ODF2: variants seen among roughly 807,000 people sequenced by gnomAD.
The protein encoded by ODF2 is outer dense fiber protein 2.
Under a neutral mutation model 110.2 loss-of-function variants are expected in ODF2, and 47 were observed. That is an observed-to-expected ratio of 0.43 (90% CI 0.34 to 0.54). The LOEUF (loss-of-function observed/expected upper bound fraction) is 0.54, where lower values mean the gene tolerates loss of function less well. Ranked by LOEUF, ODF2 falls within the 20% of genes least tolerant of loss-of-function variation. ODF2 has a pLI of 0.03. For missense variants in ODF2, 812 were observed against 1,054.5 expected (o/e 0.77, Z 3.19); for synonymous variants, 352 against 397.7 (o/e 0.89, Z 1.37).
At position 128,494,438 on chromosome 9, in the gene ODF2, G is replaced by A. The variant is rs1845233530; in HGVS notation, c.1753-72G>A. 7.0e-7 allele frequency: 1 copy of A among 1,425,050 alleles called. No individual in the cohort carries two copies. Among genetic ancestry groups the A allele is most frequent in the East Asian group, 2.3e-5 (1 of 43,802 alleles). 88.3% of individuals were successfully genotyped at this position (1,425,050 alleles called of 1,614,324 possible). A position where few individuals can be genotyped will look rare whatever the true frequency, so the allele number is the denominator to read the frequency against. On this transcript the variant is annotated intron_variant, in intron 16 of 20. Coordinates refer to ENST00000604420, the Ensembl canonical transcript of ODF2. This position sits in a 1 kb window ranked among gnomAD's most constrained non-coding sequence, Gnocchi z 4.6. ...GCCCTAACTCTAAAGGACTCTGCCT[G>A]GCTCCACTAGGAGCCAGGTCTTTCC...
chr9:128,492,930 T>G, intron 16 of ODF2, 125 bp downstream of exon 16: 1 of 730,386 alleles, frequency 1.4e-6, no homozygotes, highest in Non-Finnish European at 2.3e-6. Context: ...GAGCTCATTT[T>G]CTCATTGGTG....
Position 128,494,865 on chromosome 9 carries a change from G to C in ODF2, c.1911+197G>C. 6.8e-7 allele frequency: 1 copy of C among 1,464,190 alleles called. No individual in the cohort carries two copies. The allele number at this position is 1,464,190 out of a possible 1,614,324, so 90.7% of individuals were successfully genotyped here. A position where few individuals can be genotyped will look rare whatever the true frequency, so the allele number is the denominator to read the frequency against. ...CATGTGTTTGCACAAAGTGATTGTA[G>C]TTATAGGAGCCGTCACTTGCGTGGA... On this transcript the variant is annotated intron_variant, in intron 17 of 20. Coordinates refer to ENST00000604420, the Ensembl canonical transcript of ODF2. This position sits in a 1 kb window ranked among gnomAD's most constrained non-coding sequence, Gnocchi z 4.6.
chr9:128,485,600 A>G lies in ODF2; in HGVS notation c.1400+126A>G, dbSNP rs1768162213. On this transcript the variant is annotated intron_variant, in intron 13 of 20. Coordinates refer to ENST00000604420, the Ensembl canonical transcript of ODF2. This position sits in a 1 kb window ranked among gnomAD's most constrained non-coding sequence, Gnocchi z 5.0. ...TTGTACTCTCCGGGTTGGGGGCTGC[A>G]CTGGGCTGTGATGTGGGTAGCCCTG... 3.2e-6 allele frequency: 2 copies of G among 622,188 alleles called. No individual in the cohort carries two copies. The highest frequency in any genetic ancestry group is 2.9e-6 in the Non-Finnish European group (1 of 341,886). The allele number at this position is 622,188 out of a possible 1,614,324, so 38.5% of individuals were successfully genotyped here. A position where few individuals can be genotyped will look rare whatever the true frequency, so the allele number is the denominator to read the frequency against.
chr9:128,461,592 A>T (rs10987996), intron 4 of ODF2, among the ~76,000 whole-genome samples: 52,155 of 151,796 alleles, frequency 0.34, 11,126 homozygotes, highest in African/African-American at 0.6. Context: ...CTGATTTTTA[A>T]ATTTTTAGTA....
At chr9:128,477,681 C>T (rs923954250) in intron 8 of ODF2, among the ~76,000 whole-genome samples, 1 of 151,716 alleles carries the variant, frequency 6.6e-6, no homozygotes, top group Admixed American at 6.6e-5. Context: ...TCTCAGCTCA[C>T]TGCAACCTTC....
At chr9:128,463,226 C>G (rs941490872) in intron 4 of ODF2, among the ~76,000 whole-genome samples, 1 of 152,168 alleles carries the variant, frequency 6.6e-6, no homozygotes, top group African/African-American at 2.4e-5. Context: ...CATGCCACTG[C>G]ATAGCCTGTG....
chr9:128,488,146 G>A (rs539828018), intron 14 of ODF2, 121 bp downstream of exon 14: 29 of 1,181,506 alleles, frequency 2.5e-5, no homozygotes, highest in Non-Finnish European at 3.5e-5. Context: ...GCCTGGATTT[G>A]ACCAGGCATG....
At chr9:128,482,724 C>T in intron 9 of ODF2, 92 bp from the exon 10 acceptor site, 1 of 906,678 alleles carries the variant, frequency 1.1e-6, no homozygotes, top group African/African-American at 1.7e-5. Flanking sequence ...ACCTTGGGCC[C>T]CAGTGGCCAG....
At position 128,483,711 on chromosome 9, in the gene ODF2, C is replaced by A. The variant is rs532672701; in HGVS notation, c.988-227C>A. On this transcript the variant is annotated intron_variant, in intron 10 of 20. Transcript: ENST00000604420. ...ACCAGTCTGGCCAACATGGTGAAAC[C>A]CTGTCTCTACTAAAAATACAAAAAA... Among the ~76,000 whole-genome samples, 5 of 152,078 alleles carry A rather than the reference C, an allele frequency of 3.3e-5. No homozygotes were observed. The South Asian group carries it at 8.3e-4, about 25-fold the overall frequency.
chr9:128,480,106 T>A (rs950628919), intron 8 of ODF2, among the ~76,000 whole-genome samples: 1 of 152,044 alleles, frequency 6.6e-6, no homozygotes, highest in Admixed American at 6.6e-5. Flanking sequence ...CCAGCTTGGG[T>A]GACAGAGCTA....
At chr9:128,464,433 C>T (rs1390908653) in intron 4 of ODF2, among the ~76,000 whole-genome samples, 3 of 151,942 alleles carry the variant, frequency 2.0e-5, no homozygotes, top group Non-Finnish European at 2.9e-5. Flanking sequence ...GGATTACAGG[C>T]GTGAGCCACT....
At chr9:128,488,201 G>C (rs1843783557) in intron 14 of ODF2, among the ~76,000 whole-genome samples, 176 bp downstream of exon 14, 1 of 152,196 alleles carries the variant, frequency 6.6e-6, no homozygotes, top group Non-Finnish European at 1.5e-5. Context: ...GCCAAGGCAG[G>C]TGGATCACTT....
intron 18 of ODF2, among the ~76,000 whole-genome samples, chr9:128,496,990 A>G (rs1845663008): frequency 6.6e-6 from 1 of 152,160 alleles, no homozygotes; most frequent in South Asian, 2.1e-4. Context: ...GGCCTCCTAG[A>G]GTGCTGGGAG....
chr9:128,461,100 G>A (rs1451831317), intron 4 of ODF2, 33 bp downstream of exon 4: 4 of 1,605,966 alleles, frequency 2.5e-6, no homozygotes, highest in African/African-American at 2.7e-5. Flanking sequence ...TTTTCTTCTC[G>A]GACTGCTCAG....
At position 128,465,997 on chromosome 9, in the gene ODF2, T is replaced by C. The variant is rs376774890; in HGVS notation, c.250-3186T>C. Reference sequence around the variant, plus strand: ...TCTACTAAAAATACAAAAATTACCCTGGCGTGGTGGTCGCGCCACCAATAT... The same window carrying C: ...TCTACTAAAAATACAAAAATTACCCCGGCGTGGTGGTCGCGCCACCAATAT... On this transcript the variant is annotated intron_variant, in intron 4 of 20. Transcript: ENST00000604420. 1.7e-4 allele frequency among the ~76,000 whole-genome samples: 25 copies of C among 150,994 alleles called. No individual in the cohort carries two copies. In the South Asian group the frequency reaches 5.0e-3, roughly 30 times the overall value.
chr9:128,458,763 T>G (rs1482647810), intron 2 of ODF2, among the ~76,000 whole-genome samples: 2 of 152,096 alleles, frequency 1.3e-5, no homozygotes, highest in Non-Finnish European at 2.9e-5. Context: ...CTTAGGGGAA[T>G]ATTTGAGCCT....
chr9:128,466,079 C>G (rs1345775949), intron 4 of ODF2, among the ~76,000 whole-genome samples: 1 of 151,764 alleles, frequency 6.6e-6, no homozygotes, highest in African/African-American at 2.4e-5. Context: ...GCGGAGGTTG[C>G]AGGGAGCCAA....
chr9:128,492,317 G>A, intron 14 of ODF2, 109 bp from the exon 15 acceptor site: 1 of 755,458 alleles, frequency 1.3e-6, no homozygotes, highest in Admixed American at 2.0e-5. Flanking sequence ...TGCTCTGTGG[G>A]TTAGAGTAGG....
chr9:128,471,970 A>G (rs1239273693), intron 6 of ODF2, among the ~76,000 whole-genome samples: 2 of 152,118 alleles, frequency 1.3e-5, no homozygotes, highest in Non-Finnish European at 2.9e-5. Context: ...AAGCCATGGA[A>G]AGGATTTATT....
Sources: allele counts gnomAD v4.1 joint callset (sites outside exome capture counted in the v4.1 genomes callset), GRCh38; gene constraint gnomAD v4.1.1; non-coding constraint Gnocchi (gnomAD v3.1); transcripts MANE v1.5; gene names NCBI Gene and HGNC (gene_info 2026-07-23, HGNC 2026-07-21).